Variants in STXBP3 observed in about 807,000 individuals in gnomAD.
STXBP3 encodes the protein syntaxin binding protein 3.
A neutral mutation model predicts 85.7 loss-of-function variants in STXBP3; 41 were observed. That is an observed-to-expected ratio of 0.48 (90% CI 0.37 to 0.62). The LOEUF is 0.62. Ranked by LOEUF, STXBP3 falls within the 20% of genes least tolerant of loss-of-function variation. STXBP3 has a pLI of 0.00. For missense variants in STXBP3, 563 were observed against 703.1 expected (o/e 0.80, Z 2.25); for synonymous variants, 229 against 231.7 (o/e 0.99, Z 0.10).
chr1:108,771,720 ATC>A lies in STXBP3; in HGVS notation c.439-943_439-942del, dbSNP rs1259804934. On this transcript the variant is annotated intron_variant, in intron 6 of 18. Coordinates refer to ENST00000370008, the MANE Select transcript of STXBP3 (RefSeq NM_007269.4). ...TATATCATATATAAATATATATGATATCTATCTATATATATCATATATAAATA... is the reference window on the plus strand; with the variant it reads ...TATATCATATATAAATATATATGATATATCTATATATATCATATATAAATA... Among the ~76,000 whole-genome samples the A allele has an allele frequency of 2.5e-3, 67 of 26,968 alleles. 27 individuals carry two copies. Among genetic ancestry groups the A allele is most frequent in the Non-Finnish European group, 4.5e-3 (63 of 13,848 alleles). The allele number at this position is 26,968 out of a possible 152,430, so 17.7% of individuals were successfully genotyped here.
intron 6 of STXBP3, among the ~76,000 whole-genome samples, chr1:108,762,565 T>C (rs1393283678): frequency 6.6e-6 from 1 of 152,094 alleles, no homozygotes; most frequent in African/African-American, 2.4e-5. Context: ...TTTTAAAATA[T>C]CTTCTGTAAC....
At chr1:108,781,686 A>T (rs926205003) in intron 9 of STXBP3, 4 of 152,160 alleles carry the variant, frequency 2.6e-5, no homozygotes, top group Non-Finnish European at 5.9e-5. Context: ...TCAATATTTA[A>T]TAGGTTATAT....
At chr1:108,798,384 G>A (rs868226501) in intron 16 of STXBP3, 147 bp downstream of exon 16, 23 of 390,462 alleles carry the variant, frequency 5.9e-5, no homozygotes, top group Middle Eastern at 1.5e-3. Context: ...CTGTATCTGG[G>A]AAACTCTTGA....
chr1:108,763,102 TAGAC>T (rs759527426), intron 6 of STXBP3, among the ~76,000 whole-genome samples: 2 of 152,198 alleles, frequency 1.3e-5, no homozygotes, highest in African/African-American at 4.8e-5. Context: ...TTCTTGGCAA[TAGAC>T]AGAAAACAAC....
intron 6 of STXBP3, among the ~76,000 whole-genome samples, chr1:108,771,341 T>C (rs2101114652): frequency 7.3e-6 from 1 of 137,356 alleles, no homozygotes; most frequent in East Asian, 2.0e-4. Flanking sequence ...CTGCCCCAAA[T>C]AGTTGCTGCA....
intron 3 of STXBP3, among the ~76,000 whole-genome samples, chr1:108,754,200 T>C (rs1661970899): frequency 6.6e-6 from 1 of 151,976 alleles, no homozygotes; most frequent in South Asian, 2.1e-4. Flanking sequence ...ACCCAGCTAA[T>C]TTGTATATTT....
At chr1:108,753,238 T>TAAC (rs1661943182) in intron 3 of STXBP3, 94 bp downstream of exon 3, 3 of 781,240 alleles carry the variant, frequency 3.8e-6, no homozygotes, top group Non-Finnish European at 5.7e-6. Flanking sequence ...TCTAAGGAGC[T>TAAC]TATTTTTTTA....
At chr1:108,769,314 G>C (rs548994046) in intron 6 of STXBP3, among the ~76,000 whole-genome samples, 6 of 151,916 alleles carry the variant, frequency 3.9e-5, no homozygotes, top group Non-Finnish European at 7.4e-5. Flanking sequence ...AGAGGAGGTG[G>C]CAGGGGAGGC....
chr1:108,758,102 T>C (rs1662058193), intron 4 of STXBP3, among the ~76,000 whole-genome samples: 2 of 152,186 alleles, frequency 1.3e-5, no homozygotes, highest in South Asian at 4.2e-4. Context: ...ACTTCTCCAG[T>C]CATAAGTCTT....
At chr1:108,772,886 T>C (rs537513060) in intron 7 of STXBP3, 67 bp downstream of exon 7, 4 of 1,345,794 alleles carry the variant, frequency 3.0e-6, no homozygotes, top group African/African-American at 3.0e-5. Context: ...GTAAGTAATG[T>C]GTCTGTACCT....
At chr1:108,772,328 CTG>C (rs1312322013) in intron 6 of STXBP3, among the ~76,000 whole-genome samples, 3 of 66,570 alleles carry the variant, frequency 4.5e-5, no homozygotes, top group African/African-American at 1.7e-4. Context: ...CATATGATAT[CTG>C]TATCATATAT....
intron 6 of STXBP3, among the ~76,000 whole-genome samples, chr1:108,764,889 T>C (rs1337252271): frequency 6.6e-6 from 1 of 152,218 alleles, no homozygotes; most frequent in Admixed American, 6.5e-5. Context: ...TTAATTAGAT[T>C]TCATTTGTCG....
At chr1:108,798,266 C>G in intron 16 of STXBP3, 29 bp downstream of exon 16, 1 of 1,532,078 alleles carries the variant, frequency 6.5e-7, no homozygotes, top group Non-Finnish European at 9.0e-7. Flanking sequence ...TTTTTTTCTA[C>G]CTGAGTGCCC....
intron 13 of STXBP3, among the ~76,000 whole-genome samples, chr1:108,795,747 T>C (rs752875327): frequency 6.6e-6 from 1 of 152,240 alleles, no homozygotes; most frequent in Non-Finnish European, 1.5e-5. Flanking sequence ...TCTGATTTAT[T>C]TTTTGACCTT....
intron 1 of STXBP3, among the ~76,000 whole-genome samples, chr1:108,747,416 C>T (rs1393414436): frequency 6.6e-6 from 1 of 152,066 alleles, no homozygotes; most frequent in East Asian, 1.9e-4. Context: ...GGGCAAGAGC[C>T]GCTCCTTCCG....
At chr1:108,746,898 G>C in intron 1 of STXBP3, 112 bp downstream of exon 1, 2 of 1,063,570 alleles carry the variant, frequency 1.9e-6, no homozygotes, top group South Asian at 2.7e-5. Flanking sequence ...GCGAGCACTT[G>C]TTGCTTTGGG....
chr1:108,752,147 T>C (rs1661918690), intron 1 of STXBP3, 110 bp from the exon 2 acceptor site: 2 of 930,512 alleles, frequency 2.1e-6, no homozygotes, highest in Non-Finnish European at 1.7e-6. Context: ...ATGCTTTTTA[T>C]GTAGTTTAAC....
intron 1 of STXBP3, among the ~76,000 whole-genome samples, chr1:108,751,318 G>T (rs1661900746): frequency 6.6e-6 from 1 of 151,928 alleles, no homozygotes; most frequent in Non-Finnish European, 1.5e-5. Context: ...AGGAACAGGG[G>T]GTAAAAACCA....
intron 7 of STXBP3, among the ~76,000 whole-genome samples, chr1:108,775,052 T>C (rs927016151): frequency 5.9e-5 from 9 of 152,168 alleles, no homozygotes; most frequent in Non-Finnish European, 1.5e-5. Flanking sequence ...TTTGAAAATA[T>C]AGTACAAAGA....
Sources: allele counts gnomAD v4.1 joint callset (sites outside exome capture counted in the v4.1 genomes callset), GRCh38; gene constraint gnomAD v4.1.1; transcripts MANE v1.5; gene names NCBI Gene and HGNC (gene_info 2026-07-23, HGNC 2026-07-21).